COL4A5: variants seen among roughly 807,000 people sequenced by gnomAD.
COL4A5 encodes the protein collagen type IV alpha 5 chain.
COL4A5 carries 26 observed loss-of-function variants against 130.2 expected under a neutral mutation model. That is an observed-to-expected ratio of 0.20 (90% CI 0.15 to 0.28). The LOEUF (loss-of-function observed/expected upper bound fraction) is 0.28, where lower values mean the gene tolerates loss of function less well. Among genes scored for constraint, COL4A5 ranks in the 10% least tolerant of loss-of-function variants. The pLI, the probability that COL4A5 is intolerant of heterozygous loss-of-function variation, is 1.00. For synonymous variants in COL4A5, 496 were observed against 439.6 expected, an observed-to-expected ratio of 1.13 and a Z score of -1.60; for missense variants, 1,131 against 1,344.3, an observed-to-expected ratio of 0.84 and a Z score of 2.48.
intron 1 of COL4A5, among the ~76,000 whole-genome samples, chrX:108,475,513 C>T (rs758341504): frequency 1.7e-4 from 19 of 111,388 alleles, no homozygotes; most frequent in Non-Finnish European, 3.0e-4. Flanking sequence ...ACATCCTCAA[C>T]TTGCTTCTAT....
intron 37 of COL4A5, among the ~76,000 whole-genome samples, chrX:108,656,279 T>G (rs2067840324): frequency 9.0e-6 from 1 of 111,685 alleles, no homozygotes; most frequent in African/African-American, 3.3e-5. Flanking sequence ...TGTATCTGGC[T>G]TTTTTCAGTC....
chrX:108,481,375 C>T (rs756062776), intron 1 of COL4A5, among the ~76,000 whole-genome samples: 1 of 111,155 alleles, frequency 9.0e-6, no homozygotes, highest in Non-Finnish European at 1.9e-5. Context: ...TCAAGGGGAC[C>T]CAGCCTCCCC....
intron 1 of COL4A5, among the ~76,000 whole-genome samples, chrX:108,489,484 T>C (rs1300062551): frequency 8.9e-6 from 1 of 112,324 alleles, no homozygotes; most frequent in Non-Finnish European, 1.9e-5. Context: ...TTGAACTGAA[T>C]TGAATCACAT....
At chrX:108,544,320 G>A (rs1178038229) in intron 2 of COL4A5, among the ~76,000 whole-genome samples, 14 of 112,058 alleles carry the variant, frequency 1.2e-4, no homozygotes, top group African/African-American at 4.2e-4. Flanking sequence ...TAGCCTGAAG[G>A]GCTGTTGAAT....
intron 30 of COL4A5, among the ~76,000 whole-genome samples, chrX:108,615,599 G>A (rs775839358): frequency 1.8e-5 from 2 of 110,639 alleles, no homozygotes; most frequent in South Asian, 7.7e-4. Context: ...TTGTCAACAC[G>A]TAACCTAATG....
chrX:108,506,934 G>T (rs761060354), intron 1 of COL4A5, among the ~76,000 whole-genome samples: 1 of 110,853 alleles, frequency 9.0e-6, no homozygotes, highest in African/African-American at 3.3e-5. Flanking sequence ...CATCTTTTCA[G>T]TGGAGAGAGC....
At chrX:108,534,479 C>T (rs1569482242) in intron 1 of COL4A5, among the ~76,000 whole-genome samples, 1 of 111,005 alleles carries the variant, frequency 9.0e-6, no homozygotes, top group African/African-American at 3.3e-5. Flanking sequence ...GTGAAATAAG[C>T]CAGCCACAGA....
chrX:108,602,066 A>G, intron 27 of COL4A5, 77 bp downstream of exon 27: 1 of 543,236 alleles, frequency 1.8e-6, no homozygotes, highest in Non-Finnish European at 3.2e-6. Flanking sequence ...TTCATTCAAC[A>G]AATAAAATAT....
chrX:108,527,278 A>G (rs1413541934), intron 1 of COL4A5, among the ~76,000 whole-genome samples: 2 of 110,826 alleles, frequency 1.8e-5, no homozygotes, highest in Non-Finnish European at 3.8e-5. Flanking sequence ...GTGCCCCTCA[A>G]TTACTTTGGG....
intron 49 of COL4A5, among the ~76,000 whole-genome samples, chrX:108,690,572 G>A (rs890324413): frequency 1.8e-5 from 2 of 111,201 alleles, no homozygotes; most frequent in Non-Finnish European, 3.8e-5. Context: ...TCAACTCCTC[G>A]ACTTTTATAT....
At chrX:108,554,678 T>TGGTGA (rs1569485781) in intron 2 of COL4A5, among the ~76,000 whole-genome samples, 1 of 111,343 alleles carries the variant, frequency 9.0e-6, no homozygotes, top group African/African-American at 3.3e-5. Flanking sequence ...CTGGGCAACA[T>TGGTGA]GGTGAAACCC....
intron 1 of COL4A5, among the ~76,000 whole-genome samples, chrX:108,442,528 G>T (rs2064412933): frequency 8.9e-6 from 1 of 111,911 alleles, no homozygotes; most frequent in Non-Finnish European, 1.9e-5. Context: ...TATGCACTTA[G>T]ATTTGTGGAT....
At chrX:108,539,972 A>G in intron 2 of COL4A5, among the ~76,000 whole-genome samples, 167 bp downstream of exon 2, 1 of 112,228 alleles carries the variant, frequency 8.9e-6, no homozygotes. Flanking sequence ...TTATATCTTA[A>G]GGTCAGCAAA....
At chrX:108,567,655 G>A (rs1322658123) in intron 4 of COL4A5, among the ~76,000 whole-genome samples, 3 of 111,734 alleles carry the variant, frequency 2.7e-5, no homozygotes, top group South Asian at 3.8e-4. Context: ...ACATGGCTCC[G>A]GAGGCCTCAC....
intron 42 of COL4A5, among the ~76,000 whole-genome samples, chrX:108,673,989 C>T (rs2068256138): frequency 9.2e-6 from 1 of 108,873 alleles, no homozygotes; most frequent in African/African-American, 3.3e-5. Context: ...TTGCAGTGAG[C>T]TGAGATCACA....
intron 1 of COL4A5, among the ~76,000 whole-genome samples, chrX:108,447,105 A>G (rs1277663754): frequency 1.8e-5 from 2 of 110,826 alleles, no homozygotes; most frequent in Non-Finnish European, 3.8e-5. Context: ...ATCTGAAATG[A>G]GAGCCCCTTC....
chrX:108,494,805 A>G (rs2065020381), intron 1 of COL4A5, among the ~76,000 whole-genome samples: 1 of 111,574 alleles, frequency 9.0e-6, no homozygotes, highest in East Asian at 2.8e-4. Flanking sequence ...TCATCCTCCC[A>G]TTATCTTCAG....
At chrX:108,481,392 C>G (rs2064889203) in intron 1 of COL4A5, among the ~76,000 whole-genome samples, 1 of 111,428 alleles carries the variant, frequency 9.0e-6, no homozygotes, top group Admixed American at 9.5e-5. Flanking sequence ...CCCCTTCATT[C>G]AAGGGGTTCT....
intron 43 of COL4A5, among the ~76,000 whole-genome samples, chrX:108,676,527 A>C (rs1342449880): frequency 1.8e-5 from 2 of 112,054 alleles, no homozygotes; most frequent in African/African-American, 6.5e-5. Context: ...AGCAAAATCC[A>C]GTTTTAAATT....
Sources: allele counts gnomAD v4.1 joint callset (sites outside exome capture counted in the v4.1 genomes callset), GRCh38; gene constraint gnomAD v4.1.1; transcripts MANE v1.5; gene names NCBI Gene and HGNC (gene_info 2026-07-23, HGNC 2026-07-21).